The following TMEM150B variants were observed in gnomAD, a reference collection of about 807,000 sequenced individuals.
The protein encoded by TMEM150B is modulator of macroautophagy TMEM150B.
A neutral mutation model predicts 25.2 loss-of-function variants in TMEM150B; 33 were observed. The ratio of observed to expected loss-of-function variants is 1.31; its 90% CI spans 0.99 to 1.75. TMEM150B has a LOEUF of 1.75. Ranked by LOEUF, TMEM150B falls within the 40% of genes most tolerant of loss-of-function variation. The pLI is 0.00. For synonymous variants in TMEM150B, 133 were observed against 134.8 expected (o/e 0.99, Z 0.09); for missense variants, 322 against 306.1 (o/e 1.05, Z -0.39).
At chr19:55,311,787 A>T, downstream of TMEM150B, 1 of 994,838 alleles carries the variant, frequency 1.0e-6, no homozygotes, top group Non-Finnish European at 1.5e-6. Context: ...CTTATCAGGG[A>T]TTGGAGCTAG....
In TMEM150B at chr19:55,312,910, G is replaced by A. The variant is rs1268435868; in HGVS notation, c.651C>T (p.Pro217=). 21 of 1,607,356 alleles carry A rather than the reference G, an allele frequency of 1.3e-5. No homozygotes were observed. Among genetic ancestry groups the A allele is most frequent in the Non-Finnish European group, 1.8e-5 (21 of 1,177,534 alleles). Residue 217 remains proline (P), a synonymous_variant, in exon 8 of 8, where the codon CCC becomes CCT. Transcript: ENST00000326652. The part of the protein sequence containing the change: ...ESCTLCVQPW[P]SLSPPPASPI... ...GGGAGGCCGGCGGGGGGCTGAGGCT[G>A]GGCCACGGCTGAACACACAGGGTGC...
chr19:55,311,028 T>C (rs1376390245), downstream of TMEM150B, among the ~76,000 whole-genome samples: 1 of 152,128 alleles, frequency 6.6e-6, no homozygotes, highest in Non-Finnish European at 1.5e-5. Flanking sequence ...TGGCGCGATC[T>C]CAGCTCACTG....
chr19:55,320,686 A>G (rs2089178668), intron 3 of TMEM150B, 69 bp from the exon 4 acceptor site: 2 of 1,584,672 alleles, frequency 1.3e-6, no homozygotes, highest in South Asian at 1.1e-5. Flanking sequence ...CCAAACAAAC[A>G]AGGACTTCTA....
In TMEM150B at chr19:55,312,957, C is replaced by A; in HGVS notation, c.604G>T (p.Asp202Tyr). The A allele has an allele frequency of 6.2e-7, 1 of 1,613,508 alleles. No individual in the cohort carries two copies. The highest frequency in any genetic ancestry group is 2.2e-5 in the East Asian group (1 of 44,856). The change falls in exon 8 of 8, where the codon GAC becomes TAC. Residue 202 changes from aspartate (D) to tyrosine (Y), a missense_variant. Physicochemically the swap from Asp to Tyr is radical, Grantham distance 160. Coordinates refer to ENST00000326652, the MANE Select transcript of TMEM150B (RefSeq NM_001282011.2). Reference sequence around the variant, plus strand: ...GTGCAGCTCTCCAGGGCGGAGAAGTCAACGGCTAAGAGACCGAAGAGCGCG... The same window carrying A: ...GTGCAGCTCTCCAGGGCGGAGAAGTAAACGGCTAAGAGACCGAAGAGCGCG... ...LFALFGLLAV[D>Y]FSALESCTLC...
chr19:55,315,623 T>C (rs2088970809), intron 7 of TMEM150B, among the ~76,000 whole-genome samples: 1 of 152,112 alleles, frequency 6.6e-6, no homozygotes, highest in African/African-American at 2.4e-5. Context: ...TAGTTGGGCA[T>C]GGTGGCTGGC....
At chr19:55,312,732 C>A (rs1032947314), downstream of TMEM150B, 2 of 1,087,092 alleles carry the variant, frequency 1.8e-6, no homozygotes, top group Admixed American at 2.9e-5. Flanking sequence ...GGCTCCAGGT[C>A]AGTCAGCGGC....
intron 7 of TMEM150B, among the ~76,000 whole-genome samples, chr19:55,313,513 T>C (rs1293534395): frequency 2.0e-5 from 3 of 152,252 alleles, no homozygotes; most frequent in East Asian, 1.9e-4. Context: ...CCCTTCCTGC[T>C]CACTCCCAGA....
downstream of TMEM150B, among the ~76,000 whole-genome samples, chr19:55,310,176 G>T (rs150485767): frequency 3.9e-3 from 592 of 152,342 alleles, 4 homozygotes; most frequent in African/African-American, 0.014. The surrounding 1 kb of genome is among the most constrained non-coding windows in gnomAD (Gnocchi z 5.0). Context: ...CAACACAAGT[G>T]ATTTTCGTAC....
chr19:55,313,676 T>G (rs1426244948), intron 7 of TMEM150B, among the ~76,000 whole-genome samples: 1 of 152,150 alleles, frequency 6.6e-6, no homozygotes, highest in African/African-American at 2.4e-5. Flanking sequence ...CCTATCTGCC[T>G]TACCCATCTC....
chr19:55,319,899 G>A, intron 6 of TMEM150B, 140 bp downstream of exon 6: 1 of 1,472,196 alleles, frequency 6.8e-7, no homozygotes, highest in Non-Finnish European at 9.0e-7. Context: ...CAAGGCCACT[G>A]GCCAGAGAAA....
chr19:55,319,838 A>G (rs2089142244), intron 6 of TMEM150B: 9 of 1,412,112 alleles, frequency 6.4e-6, no homozygotes, highest in Non-Finnish European at 8.3e-6. Context: ...CTACATACAA[A>G]CAGCCTCGCT....
chr19:55,323,802 C>CTTTTT (rs367630607), intron 1 of TMEM150B, among the ~76,000 whole-genome samples: 1 of 100,892 alleles, frequency 9.9e-6, no homozygotes, highest in Non-Finnish European at 1.9e-5. Flanking sequence ...TGCGCCCAAC[C>CTTTTT]TTTTTTTTTT....
downstream of TMEM150B, among the ~76,000 whole-genome samples, chr19:55,311,646 C>T (rs1464263830): frequency 6.6e-6 from 1 of 152,184 alleles, no homozygotes; most frequent in Non-Finnish European, 1.5e-5. Context: ...CCCAGGCCCC[C>T]TTGGACTAAC....
intron 7 of TMEM150B, 63 bp from the exon 8 acceptor site, chr19:55,313,118 T>G: frequency 6.6e-7 from 1 of 1,506,132 alleles, no homozygotes; most frequent in Non-Finnish European, 8.9e-7. Context: ...CTGGTCTCTG[T>G]GCCGCCTCGC....
At chr19:55,313,812 C>CTCCAGA (rs10640146) in intron 7 of TMEM150B, among the ~76,000 whole-genome samples, 5 of 151,998 alleles carry the variant, frequency 3.3e-5, no homozygotes, top group Admixed American at 6.6e-5. Context: ...AGACTCCAGG[C>CTCCAGA]CTAGTAGAGA....
At chr19:55,313,359 A>G (rs2088875826) in intron 7 of TMEM150B, among the ~76,000 whole-genome samples, 1 of 151,746 alleles carries the variant, frequency 6.6e-6, no homozygotes, top group East Asian at 1.9e-4. Flanking sequence ...TTGCCTCCCT[A>G]CTTGTCCAGG....
chr19:55,316,822 C>T lies in TMEM150B; in HGVS notation c.469G>A (p.Gly157Ser), dbSNP rs2089017687. 1 of 1,574,550 alleles carries T rather than the reference C, an allele frequency of 6.4e-7. No homozygotes were observed. The highest frequency in any genetic ancestry group is 1.4e-5 in the African/African-American group (1 of 72,106). ...GAAWIGPLRL[G>S]LCSVCTILIV... is the part of the protein sequence containing the mutation. ...AGGATGGTGCAGACGCTGCAGAGGC[C>T]CAGGCGGAGGGGCCCAATCCAGGCA... Residue 157 changes from glycine to serine, a missense_variant, in exon 7 of 8, where the codon GGC becomes AGC. Physicochemically the swap from Gly to Ser is moderately conservative, Grantham distance 56. Coordinates refer to ENST00000326652, the MANE Select transcript of TMEM150B (RefSeq NM_001282011.2).
At chr19:55,317,502 A>G (rs2384689) in intron 6 of TMEM150B, among the ~76,000 whole-genome samples, 74,634 of 151,874 alleles carry the variant, frequency 0.49, 18,968 homozygotes, top group African/African-American at 0.55. Context: ...AAATATTGCC[A>G]GGCATAGTGG....
chr19:55,320,251 G>A (rs1175457121), intron 5 of TMEM150B, 85 bp from the exon 6 acceptor site: 5 of 1,538,518 alleles, frequency 3.2e-6, no homozygotes, highest in African/African-American at 1.4e-5. Context: ...GGAGCAAGGT[G>A]AGGGAGAAAG....
Sources: allele counts gnomAD v4.1 joint callset (sites outside exome capture counted in the v4.1 genomes callset), GRCh38; gene constraint gnomAD v4.1.1; non-coding constraint Gnocchi (gnomAD v3.1); transcripts MANE v1.5; gene names NCBI Gene and HGNC (gene_info 2026-07-23, HGNC 2026-07-21).